FBXW7: variants seen among roughly 807,000 people sequenced by gnomAD.
FBXW7 encodes F-box and WD repeat domain containing 7.
A neutral mutation model predicts 86.3 loss-of-function variants in FBXW7; 11 were observed. The ratio of observed to expected loss-of-function variants is 0.13; its 90% confidence interval spans 0.08 to 0.21. FBXW7 has a LOEUF of 0.21. Ranked by LOEUF, FBXW7 falls within the 10% of genes least tolerant of loss-of-function variation. The pLI is 1.00. For missense variants in FBXW7, 488 were observed against 847.4 expected (o/e 0.58, Z 5.27); for synonymous variants, 313 against 297.9 (o/e 1.05, Z -0.52).
intron 2 of FBXW7, among the ~76,000 whole-genome samples, chr4:152,524,766 T>C (rs770127833): frequency 1.3e-5 from 2 of 152,196 alleles, no homozygotes; most frequent in Admixed American, 6.5e-5. Context: ...AAAGGAAATT[T>C]TGTTTCCTGT....
At chr4:152,324,098 C>T (rs909772676) in intron 13 of FBXW7, 86 bp downstream of exon 13, 7 of 1,055,888 alleles carry the variant, frequency 6.6e-6, no homozygotes, top group Non-Finnish European at 9.9e-6. Context: ...ATGAGGTTGA[C>T]TCTTTTTGTG....
chr4:152,333,851 C>T lies in FBXW7; in HGVS notation c.862-1132G>A, dbSNP rs573500523. On this transcript the variant is annotated intron_variant, in intron 7 of 13. Transcript: ENST00000281708. Reference sequence around the variant, plus strand: ...GGTGGATCACTTGAGGCCAGGAGTTCGACATCAGCTTGGTCAACATGGTGA... The same window carrying T: ...GGTGGATCACTTGAGGCCAGGAGTTTGACATCAGCTTGGTCAACATGGTGA... Among the ~76,000 whole-genome samples the T allele has an allele frequency of 4.2e-3, 638 of 151,964 alleles. 7 individuals are homozygous for T. The highest frequency in any genetic ancestry group is 4.7e-3 in the Non-Finnish European group (316 of 67,944).
chr4:152,528,278 A>C (rs891218196), intron 2 of FBXW7, among the ~76,000 whole-genome samples: 5 of 152,196 alleles, frequency 3.3e-5, no homozygotes, highest in Non-Finnish European at 4.4e-5. Context: ...GTGACACAGC[A>C]TAGCAACAGA....
intron 11 of FBXW7, 121 bp from the exon 12 acceptor site, chr4:152,326,352 TACACAGCAACAACC>T: frequency 1.5e-6 from 1 of 665,674 alleles, no homozygotes; most frequent in Non-Finnish European, 2.5e-6. Context: ...TTTTTTTTTT[TACACAGCAACAACC>T]ATTTTCAAAA....
intron 4 of FBXW7, among the ~76,000 whole-genome samples, chr4:152,355,480 T>C (rs1732282931): frequency 6.6e-6 from 1 of 152,144 alleles, no homozygotes; most frequent in South Asian, 2.1e-4. Flanking sequence ...GCTAAGTTAG[T>C]CAACCAAACA....
intron 4 of FBXW7, among the ~76,000 whole-genome samples, chr4:152,350,736 C>T (rs1176960870): frequency 6.6e-6 from 1 of 151,578 alleles, no homozygotes; most frequent in African/African-American, 2.4e-5. Context: ...AGTATAATAA[C>T]GCTGAGGGGA....
chr4:152,476,966 G>C (rs905003021), intron 2 of FBXW7, among the ~76,000 whole-genome samples: 1 of 151,690 alleles, frequency 6.6e-6, no homozygotes. Flanking sequence ...TGAGGATTCC[G>C]CATCTGTTAT....
At chr4:152,453,535 C>A (rs1742106330) in intron 2 of FBXW7, among the ~76,000 whole-genome samples, 1 of 152,034 alleles carries the variant, frequency 6.6e-6, no homozygotes, top group Admixed American at 6.5e-5. Context: ...CCTGCCTTCA[C>A]TGAACTTTTA....
At chr4:152,484,199 C>T (rs1374405873) in intron 2 of FBXW7, among the ~76,000 whole-genome samples, 2 of 151,948 alleles carry the variant, frequency 1.3e-5, no homozygotes, top group Non-Finnish European at 2.9e-5. Context: ...GGTTTTACAG[C>T]CTTATGATTG....
chr4:152,527,865 T>TACACACACACACACACACAC (rs149379203), intron 2 of FBXW7, among the ~76,000 whole-genome samples: 1 of 137,396 alleles, frequency 7.3e-6, no homozygotes, highest in Non-Finnish European at 1.5e-5. Flanking sequence ...AAAAATTATA[T>TACACACACACACACACACAC]ACACACACAC....
At chr4:152,487,006 A>G (rs1745405254) in intron 2 of FBXW7, among the ~76,000 whole-genome samples, 1 of 152,202 alleles carries the variant, frequency 6.6e-6, no homozygotes, top group Non-Finnish European at 1.5e-5. Context: ...TATGCAGTGC[A>G]TGACTACATA....
Position 152,320,556 on chromosome 4 carries a change from CAACTT to C in FBXW7, c.*2320_*2324del, listed in dbSNP as rs1283426368. 6.6e-6 allele frequency: 1 copy of C among 150,864 alleles called. No homozygotes were observed. Among genetic ancestry groups the C allele is most frequent in the Non-Finnish European group, 1.5e-5 (1 of 67,834 alleles). The allele number at this position is 150,864 out of a possible 1,614,324, so 9.3% of individuals were successfully genotyped here. A position where few individuals can be genotyped will look rare whatever the true frequency, so the allele number is the denominator to read the frequency against. ...ATATATTTAGAACTAGTTTCAAAAA[CAACTT>C]TATTTTTTCCCCTTACATCATAAAA... On this transcript the variant is annotated 3_prime_UTR_variant, in exon 14 of 14. Coordinates refer to ENST00000281708, the MANE Select transcript of FBXW7 (RefSeq NM_001349798.2).
In FBXW7 at chr4:152,508,619, ATTGAGGCTTGCAGTGAC is replaced by A. The variant is rs1181741321; in HGVS notation, c.-120+26305_-120+26321del. 2.0e-5 allele frequency among the ~76,000 whole-genome samples: 3 copies of A among 149,736 alleles called. No individual in the cohort carries two copies. The East Asian group carries it at 5.9e-4, about 30-fold the overall frequency. ...TAGGAGGATCACCTGAGCCCAGGAG[ATTGAGGCTTGCAGTGAC>A]TCATGATCGTGCCACTGCAAAAAAA... On this transcript the variant is annotated intron_variant, in intron 2 of 13. Transcript: ENST00000281708.
intron 2 of FBXW7, among the ~76,000 whole-genome samples, chr4:152,422,026 T>G (rs992561724): frequency 6.6e-6 from 1 of 152,062 alleles, no homozygotes; most frequent in East Asian, 1.9e-4. Flanking sequence ...AGTGAGCTGC[T>G]GGAAAATGGC....
intron 4 of FBXW7, among the ~76,000 whole-genome samples, chr4:152,381,903 C>A (rs184131573): frequency 6.6e-6 from 1 of 152,160 alleles, no homozygotes; most frequent in East Asian, 1.9e-4. Flanking sequence ...TATTTGTCAA[C>A]GTATTTCAAA....
At chr4:152,456,338 CCTAT>C (rs1194039938) in intron 2 of FBXW7, among the ~76,000 whole-genome samples, 1 of 145,352 alleles carries the variant, frequency 6.9e-6, no homozygotes, top group Non-Finnish European at 1.5e-5. Flanking sequence ...ACAGTCAGGC[CCTAT>C]CTCTTTAAAA....
chr4:152,511,931 CTGA>C (rs1748018890), intron 2 of FBXW7, among the ~76,000 whole-genome samples: 1 of 151,898 alleles, frequency 6.6e-6, no homozygotes, highest in Non-Finnish European at 1.5e-5. Context: ...GAGAAAAAGA[CTGA>C]CTATCTGGAT....
chr4:152,433,062 T>C (rs1740058221), intron 2 of FBXW7, among the ~76,000 whole-genome samples: 1 of 152,222 alleles, frequency 6.6e-6, no homozygotes, highest in South Asian at 2.1e-4. Flanking sequence ...GTATCAGAAA[T>C]CCATTCTTTT....
chr4:152,346,785 G>C, intron 6 of FBXW7, 145 bp downstream of exon 6: 1 of 1,105,118 alleles, frequency 9.0e-7, no homozygotes, highest in Non-Finnish European at 1.3e-6. Flanking sequence ...TTTTGTGTCT[G>C]GCTTCTTTCA....
Sources: gnomAD v4.1 joint callset for allele counts (sites outside exome capture counted in the v4.1 genomes callset) on GRCh38, gnomAD v4.1.1 for gene constraint, MANE v1.5 for transcripts, NCBI Gene and HGNC (gene_info 2026-07-23, HGNC 2026-07-21) for gene names.